The following DAPK1 variants were observed in gnomAD, a reference collection of about 807,000 sequenced individuals.
The protein encoded by DAPK1 is death associated protein kinase 1.
Under a neutral mutation model 144.9 loss-of-function variants are expected in DAPK1, and 56 were observed. The observed-to-expected ratio is 0.39, with a 90% CI of 0.31 to 0.48. The LOEUF (loss-of-function observed/expected upper bound fraction) is 0.48, where lower values mean the gene tolerates loss of function less well. DAPK1 is among the 20% of genes least tolerant of loss of function. The pLI is 0.95. For synonymous variants in DAPK1, 690 were observed against 749.0 expected, an observed-to-expected ratio of 0.92 and a Z score of 1.29; for missense variants, 1,454 against 1,875.4, an observed-to-expected ratio of 0.78 and a Z score of 4.15.
Position 87,708,577 on chromosome 9 carries a change from G to A in DAPK1, c.*1213G>A, listed in dbSNP as rs36220453. ...ATTTTTACTTAATCTATAAAATGTC[G>A]TTAAAAAGTTGTTTGTTTTTTTCTT... On this transcript the variant is annotated 3_prime_UTR_variant, in exon 26 of 26. Transcript: ENST00000408954. 3,717 of 152,352 alleles carry A rather than the reference G, an allele frequency of 0.024. 59 individuals are homozygous for A. Among genetic ancestry groups the A allele is most frequent in the Non-Finnish European group, 0.035 (2,355 of 67,952 alleles). 9.4% of individuals were successfully genotyped at this position (152,352 alleles called of 1,614,324 possible).
At chr9:87,526,112 A>C (rs1405422461) in intron 2 of DAPK1, among the ~76,000 whole-genome samples, 2 of 151,684 alleles carry the variant, frequency 1.3e-5, no homozygotes, top group Non-Finnish European at 2.9e-5. Context: ...ATTCAGCCCC[A>C]GCCTGGGCAA....
chr9:87,528,498 G>A (rs962401770), intron 2 of DAPK1, among the ~76,000 whole-genome samples: 7 of 152,206 alleles, frequency 4.6e-5, no homozygotes, highest in African/African-American at 4.8e-5. Context: ...GATTACAGGC[G>A]TGAGCCACCA....
At chr9:87,601,676 A>G (rs890735028) in intron 2 of DAPK1, among the ~76,000 whole-genome samples, 2 of 152,108 alleles carry the variant, frequency 1.3e-5, no homozygotes, top group African/African-American at 4.8e-5. Context: ...AAGACTCCCT[A>G]TGGTCAGGTG....
chr9:87,501,793 T>A (rs1824413040), intron 2 of DAPK1, among the ~76,000 whole-genome samples: 1 of 152,200 alleles, frequency 6.6e-6, no homozygotes, highest in Non-Finnish European at 1.5e-5. Context: ...GGTCAGGAAC[T>A]TTATAGAGTA....
At chr9:87,668,248 C>T (rs1831127473) in intron 18 of DAPK1, among the ~76,000 whole-genome samples, 1 of 152,216 alleles carries the variant, frequency 6.6e-6, no homozygotes, top group South Asian at 2.1e-4. Context: ...AGAATCTTTA[C>T]TGTCTGCCTG....
chr9:87,660,528 C>T (rs1830805105), intron 18 of DAPK1, among the ~76,000 whole-genome samples: 1 of 152,100 alleles, frequency 6.6e-6, no homozygotes, highest in East Asian at 1.9e-4. Flanking sequence ...GCAATTTTCT[C>T]CACTGGTATA....
chr9:87,648,729 A>G, intron 14 of DAPK1, 52 bp from the exon 15 acceptor site: 3 of 1,529,764 alleles, frequency 2.0e-6, no homozygotes, highest in Middle Eastern at 1.7e-4. Context: ...TCTGGTCTCC[A>G]TAGCCTGCTC....
At chr9:87,497,388 T>C (rs904859703), upstream of DAPK1, 2 of 152,212 alleles carry the variant, frequency 1.3e-5, no homozygotes, top group African/African-American at 4.8e-5. Context: ...CCTTATTAAT[T>C]AGCTTACATA....
intron 2 of DAPK1, among the ~76,000 whole-genome samples, chr9:87,511,072 A>G (rs998352475): frequency 1.3e-5 from 2 of 152,052 alleles, no homozygotes; most frequent in South Asian, 2.1e-4. Flanking sequence ...CTGGCCTCCC[A>G]CAGGCAGAGT....
At chr9:87,586,996 A>G (rs1292741890) in intron 2 of DAPK1, among the ~76,000 whole-genome samples, 1 of 152,254 alleles carries the variant, frequency 6.6e-6, no homozygotes, top group East Asian at 1.9e-4. Context: ...CTGAGAGGAG[A>G]AGATGTAGAA....
At chr9:87,657,931 G>A in intron 17 of DAPK1, 98 bp from the exon 18 acceptor site, 1 of 714,502 alleles carries the variant, frequency 1.4e-6, no homozygotes, top group Non-Finnish European at 2.6e-6. Flanking sequence ...CTCCTTTCTG[G>A]TGGGCCCTGA....
chr9:87,520,983 G>A (rs1378457832), intron 2 of DAPK1, among the ~76,000 whole-genome samples: 5 of 152,146 alleles, frequency 3.3e-5, no homozygotes, highest in African/African-American at 1.2e-4. Context: ...GACTGACAAT[G>A]GTTTGACAGA....
intron 2 of DAPK1, among the ~76,000 whole-genome samples, chr9:87,562,894 C>T (rs1826982983): frequency 6.6e-6 from 1 of 152,222 alleles, no homozygotes. Flanking sequence ...AAAGAGGATT[C>T]TTCCCAGGCA....
intron 2 of DAPK1, among the ~76,000 whole-genome samples, chr9:87,560,346 A>C (rs1481979139): frequency 6.6e-6 from 1 of 152,174 alleles, no homozygotes; most frequent in Non-Finnish European, 1.5e-5. Flanking sequence ...ATATGTGGTT[A>C]CAATCACATA....
intron 3 of DAPK1, among the ~76,000 whole-genome samples, chr9:87,626,245 G>T (rs1381899536): frequency 1.3e-5 from 2 of 152,128 alleles, no homozygotes; most frequent in African/African-American, 4.8e-5. Flanking sequence ...GTGAAACCCT[G>T]TCTCAACTAA....
chr9:87,617,935 C>G (rs1042989485), intron 3 of DAPK1, among the ~76,000 whole-genome samples: 33 of 152,214 alleles, frequency 2.2e-4, no homozygotes, highest in Admixed American at 1.6e-3. Flanking sequence ...TCATTCTTCT[C>G]CCCTATTCTC....
At chr9:87,689,645 A>T (rs1177350856) in intron 21 of DAPK1, among the ~76,000 whole-genome samples, 1 of 152,124 alleles carries the variant, frequency 6.6e-6, no homozygotes, top group African/African-American at 2.4e-5. Flanking sequence ...TAGGGTATAC[A>T]TTTAAGTCTT....
At chr9:87,669,096 C>T (rs1361308201) in intron 19 of DAPK1, 1 of 181,590 alleles carries the variant, frequency 5.5e-6, no homozygotes, top group Non-Finnish European at 1.2e-5. Flanking sequence ...GCAGGTGCAC[C>T]CTTTCCAGCC....
chr9:87,619,975 C>T (rs184117745), intron 3 of DAPK1, among the ~76,000 whole-genome samples: 1 of 152,346 alleles, frequency 6.6e-6, no homozygotes, highest in East Asian at 1.9e-4. Flanking sequence ...CTCCATGGCA[C>T]TCACCCCAAT....
Sources: gnomAD v4.1 joint callset for allele counts (sites outside exome capture counted in the v4.1 genomes callset) on GRCh38, gnomAD v4.1.1 for gene constraint, MANE v1.5 for transcripts, NCBI Gene and HGNC (gene_info 2026-07-23, HGNC 2026-07-21) for gene names.